Variants in GALNT13 observed in about 807,000 individuals in gnomAD.
GALNT13 encodes UDP-GalNAc:polypeptide N-acetylgalactosaminyltransferase 13.
Under a neutral mutation model 64.2 loss-of-function variants are expected in GALNT13, and 28 were observed. The observed-to-expected ratio is 0.44, with a 90% CI of 0.32 to 0.60. The LOEUF (loss-of-function observed/expected upper bound fraction) is 0.60. Ranked by LOEUF, GALNT13 falls within the 20% of genes least tolerant of loss-of-function variation. The pLI is 0.05. For synonymous variants in GALNT13, 214 were observed against 224.6 expected (o/e 0.95, Z 0.42); for missense variants, 577 against 669.8 (o/e 0.86, Z 1.53).
At chr2:153,279,738 A>T in the GALNT13 span, among the ~76,000 whole-genome samples, 1 of 151,922 alleles carries the variant, frequency 6.6e-6, no homozygotes, top group Non-Finnish European at 1.5e-5. Flanking sequence ...TTATTTCTTG[A>T]TGTGCTACTG....
chr2:153,720,942 A>G, the GALNT13 span, among the ~76,000 whole-genome samples: 1 of 152,104 alleles, frequency 6.6e-6, no homozygotes, highest in Non-Finnish European at 1.5e-5. Flanking sequence ...CGACGTTCAG[A>G]TTCAGGAAAT....
At chr2:154,383,012 C>G (rs1252597489) in intron 9 of GALNT13, among the ~76,000 whole-genome samples, 1 of 151,802 alleles carries the variant, frequency 6.6e-6, no homozygotes, top group Admixed American at 6.6e-5. Context: ...GGGCCAAGAC[C>G]TTAAATGATA....
At chr2:153,418,281 C>A in the GALNT13 span, among the ~76,000 whole-genome samples, 1 of 152,114 alleles carries the variant, frequency 6.6e-6, no homozygotes, top group African/African-American at 2.4e-5. Flanking sequence ...GAAACAAATT[C>A]CCCCCTAGCA....
chr2:153,695,393 G>T, the GALNT13 span, among the ~76,000 whole-genome samples: 1 of 152,168 alleles, frequency 6.6e-6, no homozygotes, highest in Non-Finnish European at 1.5e-5. Context: ...CTTTCTAAAT[G>T]TAAGTCTTTC....
the GALNT13 span, among the ~76,000 whole-genome samples, chr2:153,172,780 T>A: frequency 6.6e-6 from 1 of 152,116 alleles, no homozygotes; most frequent in South Asian, 2.1e-4. Flanking sequence ...AGATAATACC[T>A]TGGTAAGATG....
chr2:153,725,364 A>C, the GALNT13 span, among the ~76,000 whole-genome samples: 11 of 151,240 alleles, frequency 7.3e-5, no homozygotes, highest in African/African-American at 1.9e-4. Flanking sequence ...CTAGATGACG[A>C]GTTAGTGGGT....
chr2:154,117,275 G>A (rs992047470), intron 3 of GALNT13, among the ~76,000 whole-genome samples: 1 of 152,062 alleles, frequency 6.6e-6, no homozygotes, highest in African/African-American at 2.4e-5. Context: ...CAATCAAGTT[G>A]ACACTCAGTC....
At chr2:153,411,683 C>G in the GALNT13 span, among the ~76,000 whole-genome samples, 1 of 152,072 alleles carries the variant, frequency 6.6e-6, no homozygotes, top group Non-Finnish European at 1.5e-5. Context: ...AGTAGTAGCC[C>G]TTGAAAGCTT....
chr2:153,376,324 T>A, the GALNT13 span, among the ~76,000 whole-genome samples: 2 of 152,218 alleles, frequency 1.3e-5, no homozygotes, highest in Non-Finnish European at 2.9e-5. Context: ...CACATGGCAA[T>A]AGGCTATGAA....
the GALNT13 span, among the ~76,000 whole-genome samples, chr2:153,681,573 C>A: frequency 1.3e-5 from 2 of 151,766 alleles, no homozygotes; most frequent in Non-Finnish European, 2.9e-5. Context: ...CCAAACTTTT[C>A]TCTTTATGCT....
chr2:153,234,685 G>A, the GALNT13 span, among the ~76,000 whole-genome samples: 3 of 152,116 alleles, frequency 2.0e-5, no homozygotes, highest in Non-Finnish European at 4.4e-5. Context: ...GGTCTACTGA[G>A]CCTCATGTAT....
the GALNT13 span, among the ~76,000 whole-genome samples, chr2:153,254,600 G>A: frequency 1.3e-5 from 2 of 151,948 alleles, no homozygotes; most frequent in Non-Finnish European, 2.9e-5. Context: ...TCTCTTGTGG[G>A]CATTTAGTGC....
chr2:153,257,139 G>A, the GALNT13 span, among the ~76,000 whole-genome samples: 5,102 of 152,308 alleles, frequency 0.033, 290 homozygotes, highest in African/African-American at 0.12. Flanking sequence ...GCCAGGTGCC[G>A]GATATAATCT....
At chr2:153,686,752 A>G in the GALNT13 span, among the ~76,000 whole-genome samples, 2 of 152,074 alleles carry the variant, frequency 1.3e-5, 1 homozygote, top group South Asian at 4.1e-4. Flanking sequence ...GCTTTTGCCC[A>G]TTCAGTATGA....
intron 9 of GALNT13, among the ~76,000 whole-genome samples, chr2:154,394,675 T>C (rs1187394756): frequency 6.6e-6 from 1 of 152,234 alleles, no homozygotes; most frequent in Admixed American, 6.5e-5. Context: ...CTAAATTGTT[T>C]TGAGCTTCTT....
the GALNT13 span, among the ~76,000 whole-genome samples, chr2:153,156,865 T>C: frequency 6.6e-6 from 1 of 152,184 alleles, no homozygotes; most frequent in African/African-American, 2.4e-5. Context: ...AAGTAAAAGT[T>C]GTGCCACGCT....
At chr2:154,081,518 A>G (rs968987744) in intron 3 of GALNT13, among the ~76,000 whole-genome samples, 1 of 151,718 alleles carries the variant, frequency 6.6e-6, no homozygotes, top group Non-Finnish European at 1.5e-5. Flanking sequence ...ACAGTAGAAA[A>G]CTGGGCCATG....
At chr2:153,071,203 AT>A in the GALNT13 span, among the ~76,000 whole-genome samples, 1 of 152,238 alleles carries the variant, frequency 6.6e-6, no homozygotes, top group Non-Finnish European at 1.5e-5. Flanking sequence ...CTACTTTAAA[AT>A]TTATGTGAGT....
chr2:154,241,265 T>C (rs1180877854), intron 4 of GALNT13, among the ~76,000 whole-genome samples: 1 of 152,146 alleles, frequency 6.6e-6, no homozygotes, highest in African/African-American at 2.4e-5. Context: ...GAAATGCCTG[T>C]CCTCACCCAG....
Sources: allele counts gnomAD v4.1 joint callset (sites outside exome capture counted in the v4.1 genomes callset), GRCh38; gene constraint gnomAD v4.1.1; transcripts MANE v1.5; gene names NCBI Gene and HGNC (gene_info 2026-07-23, HGNC 2026-07-21).